Variants in CHPF2 observed in about 807,000 individuals in gnomAD.
CHPF2 encodes chondroitin polymerizing factor 2.
Under a neutral mutation model 63.0 loss-of-function variants are expected in CHPF2, and 58 were observed. The ratio of observed to expected loss-of-function variants is 0.92; its 90% confidence interval spans 0.75 to 1.15. CHPF2 has a LOEUF of 1.15. Ranked by LOEUF, CHPF2 falls within the 50% of genes most tolerant of loss-of-function variation. The pLI is 0.00. For missense variants in CHPF2, 1,045 were observed against 1,035.4 expected (o/e 1.01, Z -0.13); for synonymous variants, 442 against 438.0 (o/e 1.01, Z -0.11).
At chr7:151,234,479 G>A (rs1024274487) in intron 1 of CHPF2, among the ~76,000 whole-genome samples, 1 of 152,084 alleles carries the variant, frequency 6.6e-6, no homozygotes, top group African/African-American at 2.4e-5. Flanking sequence ...ATTAGGGTTC[G>A]ATGTTTTTTG....
At chr7:151,236,293 T>C (rs994736101) in intron 2 of CHPF2, 115 bp from the exon 3 acceptor site, 1 of 904,208 alleles carries the variant, frequency 1.1e-6, no homozygotes, top group East Asian at 2.7e-5. Context: ...GTGCCTCTTC[T>C]GTCCTCTGTT....
In CHPF2 at chr7:151,234,052, T is replaced by G; in HGVS notation, c.41T>G (p.Leu14Arg). 2 of 1,567,752 alleles carry G rather than the reference T, an allele frequency of 1.3e-6. No individual in the cohort carries two copies. The change falls in exon 1 of 4, where the codon CTT becomes CGT. Residue 14 changes from leucine to arginine, a missense_variant. Leu to Arg is a moderately radical substitution (Grantham distance 102, BLOSUM62 -2). Transcript: ENST00000035307. ...SSLLALLRPA[L>R]PLILGLSLGC... is the part of the protein sequence containing the mutation. ...CTGTTGGCTCTGCTGCGGCCAGCGC[T>G]TCCCCTCATCTTAGGGCTGTCTCTG...
At position 151,236,549 on chromosome 7, in the gene CHPF2, C is replaced by T. The variant is rs1269497654; in HGVS notation, c.970C>T (p.Leu324=). 6.2e-7 allele frequency: 1 copy of T among 1,602,658 alleles called. No individual in the cohort carries two copies. The part of the protein sequence containing the change: ...MYRLHKRFSA[L]ELERAYSEIE... ...CCGGCTCCACAAACGCTTCAGCGCT[C>T]TGGAGTTGGAGCGGGCTTACAGTGA... Residue 324 remains leucine (L), a synonymous_variant, in exon 3 of 4, where the codon CTG becomes TTG. Coordinates refer to ENST00000035307, the MANE Select transcript of CHPF2 (RefSeq NM_019015.3).
chr7:151,238,132 C>T lies in CHPF2; in HGVS notation c.1770C>T (p.Phe590=). The T allele has an allele frequency of 1.2e-6, 2 of 1,612,406 alleles. No homozygotes were observed. The highest frequency in any genetic ancestry group is 1.7e-6 in the Non-Finnish European group (2 of 1,180,016). Residue 590 remains phenylalanine (F), a synonymous_variant, in exon 4 of 4, where the codon TTC becomes TTT. Transcript: ENST00000035307. ...AGAAGCACCCTGTGGACACTCTCTT[C>T]TTCCTTACCACCGTGTGGACAAGGC... ...VSKKHPVDTL[F]FLTTVWTRPG... is the part of the protein sequence containing the mutation.
chr7:151,237,220 G>A lies in CHPF2; in HGVS notation c.1012-154G>A, dbSNP rs1454195146. ...CTGCATTTTAGAGGTGAAGAATAAC[G>A]TACAAGGGATTCAGTGATTAGCAAG... On this transcript the variant is annotated intron_variant, in intron 3 of 3. Coordinates refer to ENST00000035307, the MANE Select transcript of CHPF2 (RefSeq NM_019015.3). The A allele has an allele frequency of 3.2e-5, 20 of 617,106 alleles. No individual in the cohort carries two copies. The East Asian group carries it at 3.6e-4, about 11-fold the overall frequency. The allele number at this position is 617,106 out of a possible 1,614,324, so 38.2% of individuals were successfully genotyped here.
At position 151,234,155 on chromosome 7, in the gene CHPF2, G is replaced by A. The variant is rs1216712802; in HGVS notation, c.144G>A (p.Glu48=). ...ATCCCTGTGTCGAGGCTGTAGGGGA[G>A]CGAGGAGGGCCACAGAATCCAGATT... The part of the protein sequence containing the change: ...GEDPCVEAVG[E]RGGPQNPDSR... Residue 48 remains glutamate (E), a synonymous_variant, in exon 1 of 4, where the codon GAG becomes GAA. Transcript: ENST00000035307. The A allele has an allele frequency of 1.9e-6, 3 of 1,613,700 alleles. No individual in the cohort carries two copies. The highest frequency in any genetic ancestry group is 2.5e-6 in the Non-Finnish European group (3 of 1,179,812).
chr7:151,237,663 G>A lies in CHPF2; in HGVS notation c.1301G>A (p.Arg434Gln), dbSNP rs140251502. Residue 434 changes from arginine (R) to glutamine (Q), a missense_variant, in exon 4 of 4, where the codon CGG becomes CAG. Transcript: ENST00000035307. ...FQKQRLLNGY[R>Q]RFDPARGMEY... ...AAGCAGCGACTGCTCAACGGCTATC[G>A]GCGCTTCGACCCAGCACGGGGCATG... 2.2e-4 allele frequency: 354 copies of A among 1,613,042 alleles called. No homozygotes were observed. Among genetic ancestry groups the A allele is most frequent in the Non-Finnish European group, 2.7e-4 (322 of 1,179,938 alleles).
intron 2 of CHPF2, among the ~76,000 whole-genome samples, chr7:151,235,872 C>G (rs1043507054): frequency 7.0e-6 from 1 of 142,248 alleles, no homozygotes; most frequent in Non-Finnish European, 1.6e-5. Context: ...CCCTCCACAC[C>G]TCCCCCGACA....
chr7:151,237,368 A>G lies in CHPF2; in HGVS notation c.1012-6A>G. On this transcript the variant is annotated splice_region_variant and splice_polypyrimidine_tract_variant and intron_variant, in intron 3 of 3. Transcript: ENST00000035307. The stretch of plus-strand genomic sequence containing the variant: ...ACTAATGTGAGGTGCATTCCCTCCA[A>G]CCCAGGCTCAGATCCGGAACCTGAC... 6 of 1,581,846 alleles carry G rather than the reference A, an allele frequency of 3.8e-6. No homozygotes were observed. Among genetic ancestry groups the G allele is most frequent in the Non-Finnish European group, 5.2e-6 (6 of 1,159,774 alleles).
Position 151,233,888 on chromosome 7 carries a change from T to C in CHPF2, c.-124T>C. On this transcript the variant is annotated 5_prime_UTR_variant, in exon 1 of 4. Coordinates refer to ENST00000035307, the MANE Select transcript of CHPF2 (RefSeq NM_019015.3). ...GGAAGCCAGCGGGCCTCGCTCTGTC[T>C]TTGGCCTCATTGACCCCAGGTTCTC... The C allele has an allele frequency of 7.4e-7, 1 of 1,354,538 alleles. No individual in the cohort carries two copies. Among genetic ancestry groups the C allele is most frequent in the Non-Finnish European group, 9.5e-7 (1 of 1,055,906 alleles). The allele number at this position is 1,354,538 out of a possible 1,614,324, so 83.9% of individuals were successfully genotyped here.
chr7:151,236,652 A>T, intron 3 of CHPF2, 62 bp downstream of exon 3: 1 of 1,426,010 alleles, frequency 7.0e-7, no homozygotes, highest in Admixed American at 2.4e-5. Flanking sequence ...AGAGCCTGAG[A>T]TGTCCAGGCG....
rs968469118 is a variant in CHPF2 at position 151,232,774 on chromosome 7, C to G, written c.-1238C>G. ...TGCGCTCGCGGCCTCGATGCTGTCTCTGGCGCGGCCTCCGCTCCCGCCGAC... is the reference window on the plus strand; with the variant it reads ...TGCGCTCGCGGCCTCGATGCTGTCTGTGGCGCGGCCTCCGCTCCCGCCGAC... On this transcript the variant is annotated 5_prime_UTR_variant, in exon 1 of 4. Coordinates refer to ENST00000035307, the MANE Select transcript of CHPF2 (RefSeq NM_019015.3). 20 of 1,505,500 alleles carry G rather than the reference C, an allele frequency of 1.3e-5. No individual in the cohort carries two copies. The Admixed American group carries it at 2.3e-4, about 17-fold the overall frequency. 93.3% of individuals were successfully genotyped at this position (1,505,500 alleles called of 1,614,324 possible).
Position 151,236,500 on chromosome 7 carries a change from T to C in CHPF2, c.921T>C (p.Pro307=), listed in dbSNP as rs1379555475. 4 of 1,611,516 alleles carry C rather than the reference T, an allele frequency of 2.5e-6. No individual in the cohort carries two copies. The South Asian group carries it at 3.3e-5, about 13-fold the overall frequency. The change falls in exon 3 of 4, where the codon CCT becomes CCC. Residue 307 remains proline, a synonymous_variant. Coordinates refer to ENST00000035307, the MANE Select transcript of CHPF2 (RefSeq NM_019015.3). ...SAFLSAFAVH[P]VSEGTLMYRL... is the part of the protein sequence containing the mutation. ...TCCTGAGTGCCTTCGCCGTGCACCCTGTCTCCGAAGGTACCCTCATGTACC... is the reference window on the plus strand; with the variant it reads ...TCCTGAGTGCCTTCGCCGTGCACCCCGTCTCCGAAGGTACCCTCATGTACC...
Position 151,233,844 on chromosome 7 carries a change from T to A in CHPF2, c.-168T>A. ...AGGAGTTGTGAAGACAGGACAATCT[T>A]CTTGGGGATGCTGGTCCTGGAAGCC... On this transcript the variant is annotated 5_prime_UTR_variant, in exon 1 of 4. Transcript: ENST00000035307. The A allele has an allele frequency of 1.6e-6, 2 of 1,265,878 alleles. No individual in the cohort carries two copies. The highest frequency in any genetic ancestry group is 3.2e-5 in the South Asian group (1 of 31,716). 78.4% of individuals were successfully genotyped at this position (1,265,878 alleles called of 1,614,324 possible). A position where few individuals can be genotyped will look rare whatever the true frequency, so the allele number is the denominator to read the frequency against.
chr7:151,233,798 C>T lies in CHPF2; in HGVS notation c.-214C>T. ...GGCTGGGGGTTAGTTCCGACACCTT[C>T]ACAGTTGAAGAGCAGGCAGAAGGAG... is the stretch of plus-strand genomic sequence containing the variant. On this transcript the variant is annotated 5_prime_UTR_variant, in exon 1 of 4. Transcript: ENST00000035307. 8.1e-7 allele frequency: 1 copy of T among 1,236,310 alleles called. No homozygotes were observed. Among genetic ancestry groups the T allele is most frequent in the Non-Finnish European group, 1.0e-6 (1 of 990,918 alleles). 76.6% of individuals were successfully genotyped at this position (1,236,310 alleles called of 1,614,324 possible).
intron 2 of CHPF2, 152 bp downstream of exon 2, chr7:151,235,764 T>A: frequency 1.3e-6 from 1 of 744,790 alleles, no homozygotes. Flanking sequence ...TTTGGCAATC[T>A]GAGAACCTGG....
rs149269572 is a variant in CHPF2 at position 151,236,491 on chromosome 7, C to A, written c.912C>A (p.Ala304=). The change falls in exon 3 of 4, where the codon GCC becomes GCA. Residue 304 remains alanine (A), a synonymous_variant. Transcript: ENST00000035307. ...EGSSAFLSAF[A]VHPVSEGTLM... ...GCTCGGCTTTCCTGAGTGCCTTCGC[C>A]GTGCACCCTGTCTCCGAAGGTACCC... 1 of 1,611,416 alleles carries A rather than the reference C, an allele frequency of 6.2e-7. No individual in the cohort carries two copies. Among genetic ancestry groups the A allele is most frequent in the Non-Finnish European group, 8.5e-7 (1 of 1,177,856 alleles).
At position 151,233,861 on chromosome 7, in the gene CHPF2, C is replaced by G; in HGVS notation, c.-151C>G. 7.8e-7 allele frequency: 1 copy of G among 1,276,842 alleles called. No homozygotes were observed. Among genetic ancestry groups the G allele is most frequent in the Non-Finnish European group, 9.9e-7 (1 of 1,013,078 alleles). The allele number at this position is 1,276,842 out of a possible 1,614,324, so 79.1% of individuals were successfully genotyped here. ...GACAATCTTCTTGGGGATGCTGGTC[C>G]TGGAAGCCAGCGGGCCTCGCTCTGT... is the stretch of plus-strand genomic sequence containing the variant. On this transcript the variant is annotated 5_prime_UTR_variant, in exon 1 of 4. Transcript: ENST00000035307.
In CHPF2 at chr7:151,234,049, C is replaced by G. The variant is rs1802552766; in HGVS notation, c.38C>G (p.Ala13Gly). Residue 13 changes from alanine to glycine, a missense_variant, in exon 1 of 4, where the codon GCG becomes GGG. Coordinates refer to ENST00000035307, the MANE Select transcript of CHPF2 (RefSeq NM_019015.3). ...TCCCTGTTGGCTCTGCTGCGGCCAG[C>G]GCTTCCCCTCATCTTAGGGCTGTCT... ...LSSLLALLRPALPLILGLSLG... is the reference protein window; with the variant it reads ...LSSLLALLRPGLPLILGLSLG... 2 of 1,561,526 alleles carry G rather than the reference C, an allele frequency of 1.3e-6. No homozygotes were observed. The highest frequency in any genetic ancestry group is 1.4e-5 in the African/African-American group (1 of 73,008).
Sources: gnomAD v4.1 joint callset for allele counts (sites outside exome capture counted in the v4.1 genomes callset) on GRCh38, gnomAD v4.1.1 for gene constraint, MANE v1.5 for transcripts, NCBI Gene and HGNC (gene_info 2026-07-23, HGNC 2026-07-21) for gene names.